The following PITRM1 variants were observed in gnomAD, a reference collection of about 807,000 sequenced individuals.
PITRM1 encodes pitrilysin metallopeptidase 1.
In PITRM1, 100 loss-of-function variants were observed where a neutral mutation model predicts 129.9. That is an observed-to-expected ratio of 0.77 (90% CI 0.65 to 0.91). The LOEUF is 0.91. PITRM1 is among the 40% of genes least tolerant of loss of function. The pLI is 0.00. For synonymous variants in PITRM1, 591 were observed against 508.8 expected (o/e 1.16, Z -2.17); for missense variants, 1,471 against 1,318.3 (o/e 1.12, Z -1.79).
chr10:3,149,539 AT>A, intron 16 of PITRM1, 81 bp downstream of exon 16: 1 of 1,344,964 alleles, frequency 7.4e-7, no homozygotes, highest in Non-Finnish European at 1.0e-6. Flanking sequence ...ACTGAAGGTA[AT>A]TCCTACTGAT....
chr10:3,144,990 G>C (rs1484869487), intron 21 of PITRM1: 2 of 152,872 alleles, frequency 1.3e-5, no homozygotes, highest in Admixed American at 6.5e-5. Context: ...AAGGTGAAAG[G>C]GTTGCAGGCA....
chr10:3,157,203 A>T lies in PITRM1; in HGVS notation c.1348-139T>A, dbSNP rs1049618991. On this transcript the variant is annotated intron_variant, in intron 12 of 26. Transcript: ENST00000224949. ...GATTGTTTATAACAAAAGTCATGTA[A>T]TTCTTTGGATGGAGAAACAAAAAAA... 7.0e-6 allele frequency: 6 copies of T among 862,760 alleles called. No individual in the cohort carries two copies. The African/African-American group carries it at 8.8e-5, about 13-fold the overall frequency. 53.4% of individuals were successfully genotyped at this position (862,760 alleles called of 1,614,324 possible). A position where few individuals can be genotyped will look rare whatever the true frequency, so the allele number is the denominator to read the frequency against.
chr10:3,172,758 G>C lies in PITRM1; in HGVS notation c.15C>G (p.Gly5=), dbSNP rs757671433. ...TCAGCACACACAGGCCCTGCCGCCC[G>C]CCGCAGCGCCACATTGCGCATGACG... MWRC[G]GRQGLCVLRR... Residue 5 remains glycine, a synonymous_variant, in exon 1 of 27, where the codon GGC becomes GGG. Transcript: ENST00000224949. The C allele has an allele frequency of 6.5e-7, 1 of 1,546,324 alleles. No individual in the cohort carries two copies. The highest frequency in any genetic ancestry group is 2.0e-5 in the Admixed American group (1 of 50,828).
intron 22 of PITRM1, chr10:3,143,727 T>C: frequency 1.4e-6 from 1 of 702,828 alleles, no homozygotes; most frequent in Non-Finnish European, 2.7e-6. Context: ...TTTCTCACTG[T>C]AAAACTGACA....
rs375511163 is a variant in PITRM1 at position 3,163,819 on chromosome 10, C to T, written c.697G>A (p.Val233Met). 1 of 1,612,994 alleles carries T rather than the reference C, an allele frequency of 6.2e-7. No individual in the cohort carries two copies. The highest frequency in any genetic ancestry group is 1.1e-5 in the South Asian group (1 of 90,904). The change falls in exon 7 of 27, where the codon GTG becomes ATG. Residue 233 changes from valine to methionine, a missense_variant. Val to Met is a conservative substitution (Grantham distance 21, BLOSUM62 1). Coordinates refer to ENST00000224949, the MANE Select transcript of PITRM1 (RefSeq NM_014889.4). ...CACAGTGGGTCACCCCCGGAGACCACTGAGTACGTGTGGTCAGGAAGAAGT... is the reference window on the plus strand; with the variant it reads ...CACAGTGGGTCACCCCCGGAGACCATTGAGTACGTGTGGTCAGGAAGAAGT... ...NRLLPDHTYS[V>M]VSGGDPLCIP...
At chr10:3,153,906 C>T (rs182771477) in intron 14 of PITRM1, among the ~76,000 whole-genome samples, 1 of 152,302 alleles carries the variant, frequency 6.6e-6, no homozygotes, top group Non-Finnish European at 1.5e-5. Flanking sequence ...AGACTTAATA[C>T]ATAACTTACA....
At position 3,147,585 on chromosome 10, in the gene PITRM1, C is replaced by T; in HGVS notation, c.2222G>A (p.Ser741Asn). 6.2e-7 allele frequency: 1 copy of T among 1,614,064 alleles called. No individual in the cohort carries two copies. Among genetic ancestry groups the T allele is most frequent in the Middle Eastern group, 1.7e-4 (1 of 6,056 alleles). ...CAAGCTTCCCACCTGATCCATCCCG[C>T]TGAAGGTCTCCTGCAGGTCCCCTGC... ...TPAGDLQETF[S>N]GMDQVRLMKR... is the part of the protein sequence containing the mutation. The change falls in exon 19 of 27, where the codon AGC becomes AAC. Residue 741 changes from serine (S) to asparagine (N), a missense_variant. Physicochemically the swap from Ser to Asn is conservative, Grantham distance 46. Transcript: ENST00000224949.
intron 24 of PITRM1, 44 bp from the exon 25 acceptor site, chr10:3,139,093 G>C (rs747237760): frequency 8.3e-6 from 13 of 1,559,180 alleles, no homozygotes; most frequent in Non-Finnish European, 1.1e-5. Context: ...TTTACCAGTG[G>C]ACAAGTTTAT....
chr10:3,172,785 G>A, upstream of PITRM1: 1 of 1,527,144 alleles, frequency 6.5e-7, no homozygotes, highest in Non-Finnish European at 8.8e-7. Flanking sequence ...CGCATGACGA[G>A]CACCTGGCTG....
intron 23 of PITRM1, among the ~76,000 whole-genome samples, chr10:3,142,695 ACT>A (rs372317926): frequency 9.4e-4 from 143 of 152,192 alleles, no homozygotes; most frequent in African/African-American, 3.0e-3. Flanking sequence ...CCTGACCCTG[ACT>A]CTTGGCTGTG....
intron 7 of PITRM1, among the ~76,000 whole-genome samples, chr10:3,160,711 T>G (rs1399167934): frequency 1.3e-5 from 2 of 151,682 alleles, no homozygotes; most frequent in Non-Finnish European, 2.9e-5. Flanking sequence ...AGCCTCAGCC[T>G]CCTCAGTAGC....
At chr10:3,165,143 G>A (rs886496587) in intron 6 of PITRM1, 95 bp downstream of exon 6, 15 of 913,392 alleles carry the variant, frequency 1.6e-5, no homozygotes, top group Non-Finnish European at 2.1e-5. Context: ...CCTATAATGA[G>A]AATATTAAAT....
At chr10:3,161,977 C>T (rs1447280396) in intron 7 of PITRM1, among the ~76,000 whole-genome samples, 1 of 151,810 alleles carries the variant, frequency 6.6e-6, no homozygotes, top group Non-Finnish European at 1.5e-5. Context: ...TCAAGACCAG[C>T]CTGGGCAACA....
chr10:3,140,387 G>C (rs1386566768), intron 24 of PITRM1, among the ~76,000 whole-genome samples: 1 of 152,202 alleles, frequency 6.6e-6, no homozygotes, highest in Non-Finnish European at 1.5e-5. Flanking sequence ...GGGGGACTGT[G>C]GGTAATAAAC....
chr10:3,159,055 A>G lies in PITRM1; in HGVS notation c.1008-13T>C. 1.9e-6 allele frequency: 3 copies of G among 1,603,826 alleles called. No individual in the cohort carries two copies. The highest frequency in any genetic ancestry group is 2.6e-6 in the Non-Finnish European group (3 of 1,176,262). On this transcript the variant is annotated splice_polypyrimidine_tract_variant and intron_variant, in intron 9 of 26. Coordinates refer to ENST00000224949, the MANE Select transcript of PITRM1 (RefSeq NM_014889.4). ...TGTGTCGGTGATGCTGCATTGAAAA[A>G]AAAAGGAACGGGGAGGTAAGAAAAG...
chr10:3,151,092 A>G (rs1841468083), intron 15 of PITRM1, 155 bp downstream of exon 15: 1 of 625,992 alleles, frequency 1.6e-6, no homozygotes, highest in Non-Finnish European at 2.9e-6. Context: ...AGAACAAGGC[A>G]GAAGAATCGT....
chr10:3,159,612 C>CAATAAGTA (rs1447992133), intron 9 of PITRM1, among the ~76,000 whole-genome samples: 10 of 152,200 alleles, frequency 6.6e-5, no homozygotes. Context: ...CTTTGAAATA[C>CAATAAGTA]AATAAGTAAA....
chr10:3,139,171 T>G (rs1839930796), intron 24 of PITRM1, 122 bp from the exon 25 acceptor site: 2 of 841,340 alleles, frequency 2.4e-6, no homozygotes, highest in African/African-American at 3.4e-5. Flanking sequence ...TATATCTGAT[T>G]TAGTCCAAAC....
At chr10:3,141,715 C>G (rs748697442) in intron 23 of PITRM1, 9 of 466,120 alleles carry the variant, frequency 1.9e-5, no homozygotes, top group South Asian at 1.3e-4. Context: ...CCCAGGTCGC[C>G]GCTTCCACAG....
Sources: allele counts gnomAD v4.1 joint callset (sites outside exome capture counted in the v4.1 genomes callset), GRCh38; gene constraint gnomAD v4.1.1; transcripts MANE v1.5; gene names NCBI Gene and HGNC (gene_info 2026-07-23, HGNC 2026-07-21).